The following MYH7B variants were observed in gnomAD, a reference collection of about 807,000 sequenced individuals.
The protein encoded by MYH7B is myosin heavy chain 7B.
Under a neutral mutation model 234.5 loss-of-function variants are expected in MYH7B, and 205 were observed. The observed-to-expected ratio is 0.87, with a 90% CI of 0.78 to 0.98. The LOEUF is 0.98. Among genes scored for constraint, MYH7B ranks in the 50% least tolerant of loss-of-function variants. The pLI is 0.00. For synonymous variants in MYH7B, 1,193 were observed against 1,105.0 expected (o/e 1.08, Z -1.58); for missense variants, 2,652 against 2,633.4 (o/e 1.01, Z -0.15).
At chr20:34,996,560 G>C (rs763812615) in intron 29 of MYH7B, 38 bp downstream of exon 29, 5 of 1,601,416 alleles carry the variant, frequency 3.1e-6, no homozygotes, top group Non-Finnish European at 4.3e-6. Context: ...TGGCGGGGCC[G>C]GGGTGCCGGC....
At chr20:35,000,208 GGGTTCGTTTCCAAC>G (rs2082342996) in intron 38 of MYH7B, 71 bp from the exon 39 acceptor site, 1 of 1,453,760 alleles carries the variant, frequency 6.9e-7, no homozygotes, top group Admixed American at 2.2e-5. Flanking sequence ...TTCTCAAAAT[GGGTTCGTTTCCAAC>G]GGTCCTTGGG....
Position 34,987,313 on chromosome 20 carries a change from A to T in MYH7B, c.1147+26A>T, listed in dbSNP as rs374341897. On this transcript the variant is annotated intron_variant, in intron 16 of 44. Transcript: ENST00000262873. ...GTGAGGGGCCCTAACCTGGCCTTCA[A>T]CTTGACCCAGACCTCAGCATCCTGT... 5.0e-6 allele frequency: 8 copies of T among 1,607,710 alleles called. No homozygotes were observed. The Admixed American group carries it at 1.2e-4, about 23-fold the overall frequency.
At chr20:34,979,764 T>C (rs772225267) in exon 7 of MYH7B, 5 of 1,614,012 alleles carry the variant, frequency 3.1e-6, no homozygotes, top group Non-Finnish European at 4.2e-6. Flanking sequence ...GCCTCTGTGC[T>C]GCACAACCTG....
At chr20:34,993,509 C>G in intron 26 of MYH7B, 39 bp downstream of exon 26, 1 of 1,509,388 alleles carries the variant, frequency 6.6e-7, no homozygotes, top group Non-Finnish European at 8.8e-7. Context: ...GGTGTGTCCC[C>G]TGCCTCTCAG....
At chr20:34,977,668 C>G in exon 4 of MYH7B, 3 of 1,405,742 alleles carry the variant, frequency 2.1e-6, no homozygotes, top group Non-Finnish European at 2.8e-6. Context: ...CCTGCCCTCA[C>G]CGTGGTGCCG....
chr20:34,973,068 C>T (rs995724916), intron 2 of MYH7B, among the ~76,000 whole-genome samples: 2 of 152,326 alleles, frequency 1.3e-5, no homozygotes, highest in South Asian at 2.1e-4. Context: ...CCTTTGATGG[C>T]GCCCCAACTC....
chr20:34,962,743 T>G (rs1382883780), intron 2 of MYH7B, among the ~76,000 whole-genome samples: 1 of 152,202 alleles, frequency 6.6e-6, no homozygotes, highest in Non-Finnish European at 1.5e-5. Flanking sequence ...TCCTCCTGTC[T>G]CAGCTTCCCA....
At position 34,997,651 on chromosome 20, in the gene MYH7B, C is replaced by CCA. The variant is rs1223061723; in HGVS notation, c.3747+11_3747+12insCA. On this transcript the variant is annotated intron_variant, in intron 32 of 44. Transcript: ENST00000262873. ...CTGACCCGCGCCAAGGTGTCCGTGC[C>CCA]TTCCTCACCCCATACCCACCCTGAC... 22 of 1,612,712 alleles carry CCA rather than the reference C, an allele frequency of 1.4e-5. No individual in the cohort carries two copies. The highest frequency in any genetic ancestry group is 1.9e-5 in the Non-Finnish European group (22 of 1,179,342).
chr20:34,979,290 G>A (rs2081903417), intron 5 of MYH7B, 100 bp from the exon 6 acceptor site: 3 of 868,450 alleles, frequency 3.5e-6, no homozygotes, highest in African/African-American at 1.7e-5. Context: ...GGGCTTTGGG[G>A]AGGGTCACAG....
intron 2 of MYH7B, among the ~76,000 whole-genome samples, chr20:34,970,098 G>A (rs2081778919): frequency 6.6e-6 from 1 of 152,166 alleles, no homozygotes; most frequent in African/African-American, 2.4e-5. Context: ...TTTAGATGAG[G>A]TGCTCCTTCC....
In MYH7B at chr20:34,990,267, G is replaced by T. The variant is rs201578499; in HGVS notation, c.1934G>T (p.Arg645Leu). Reference sequence around the variant, plus strand: ...CCCAAGTCTGGGGTGAAAGAGAAGCGTAAGAAGGCAGCATCGTTCCAGACG... The same window carrying T: ...CCCAAGTCTGGGGTGAAAGAGAAGCTTAAGAAGGCAGCATCGTTCCAGACG... Residue 645 changes from arginine to leucine, a missense_variant, in exon 22 of 45, where the codon CGT becomes CTT. Physicochemically the swap from Arg to Leu is moderately radical, Grantham distance 102 (BLOSUM62 -2). Transcript: ENST00000262873. 4 of 1,614,062 alleles carry T rather than the reference G, an allele frequency of 2.5e-6. No homozygotes were observed. The Admixed American group carries it at 6.7e-5, about 27-fold the overall frequency.
exon 43 of MYH7B, chr20:35,001,439 G>A: frequency 6.2e-7 from 1 of 1,601,524 alleles, no homozygotes; most frequent in Non-Finnish European, 8.5e-7. Context: ...AGGCCGAGGA[G>A]GACAGGAAGA....
At position 34,995,320 on chromosome 20, in the gene MYH7B, T is replaced by C; in HGVS notation, c.2701-16T>C. 1 of 1,608,962 alleles carries C rather than the reference T, an allele frequency of 6.2e-7. No individual in the cohort carries two copies. The highest frequency in any genetic ancestry group is 8.5e-7 in the Non-Finnish European group (1 of 1,177,356). On this transcript the variant is annotated splice_polypyrimidine_tract_variant and intron_variant, in intron 27 of 44. Coordinates refer to ENST00000262873, the Ensembl canonical transcript of MYH7B. ...TGGCCCTCCCCCAACCTGGCCCCGT[T>C]CCGTGTGCCCTCCAGGAGCAGGACA...
At chr20:34,971,771 C>T (rs149372376) in intron 2 of MYH7B, among the ~76,000 whole-genome samples, 1 of 152,362 alleles carries the variant, frequency 6.6e-6, no homozygotes, top group East Asian at 1.9e-4. Context: ...TGTCAAATTC[C>T]GTCGCTCAGA....
intron 7 of MYH7B, 82 bp downstream of exon 7, chr20:34,979,886 A>G: frequency 1.4e-6 from 2 of 1,437,218 alleles, no homozygotes; most frequent in Non-Finnish European, 1.9e-6. Flanking sequence ...GGGCGGGCCC[A>G]TAGCGGTGGG....
chr20:34,977,855 A>T, intron 4 of MYH7B, 79 bp from the exon 5 acceptor site: 1 of 1,580,566 alleles, frequency 6.3e-7, no homozygotes, highest in Non-Finnish European at 8.7e-7. Context: ...TGGGAGCCAG[A>T]GGGAGTCGCC....
chr20:34,975,407 G>A, exon 3 of MYH7B: 3 of 630,846 alleles, frequency 4.8e-6, no homozygotes, highest in Non-Finnish European at 8.7e-6. Context: ...TAGAGATGGG[G>A]TTTTGATGTG....
At chr20:34,967,613 C>T (rs1337102173) in intron 2 of MYH7B, among the ~76,000 whole-genome samples, 2 of 152,112 alleles carry the variant, frequency 1.3e-5, no homozygotes, top group African/African-American at 2.4e-5. Flanking sequence ...TTCTCCTGCT[C>T]CCCACTCCAC....
chr20:35,001,646 G>A (rs2082387527), intron 43 of MYH7B, 120 bp downstream of exon 43: 3 of 915,934 alleles, frequency 3.3e-6, no homozygotes, highest in Non-Finnish European at 5.0e-6. Flanking sequence ...AGAGGGAAGA[G>A]AGAAGCTTCT....
Sources: gnomAD v4.1 joint callset for allele counts (sites outside exome capture counted in the v4.1 genomes callset) on GRCh38, gnomAD v4.1.1 for gene constraint, MANE v1.5 for transcripts, NCBI Gene and HGNC (gene_info 2026-07-23, HGNC 2026-07-21) for gene names.